PPP2R2B: variants seen among roughly 807,000 people sequenced by gnomAD.
The protein encoded by PPP2R2B is protein phosphatase 2 regulatory subunit Bbeta.
A neutral mutation model predicts 46.0 loss-of-function variants in PPP2R2B; 5 were observed. The ratio of observed to expected loss-of-function variants is 0.11; its 90% CI spans 0.06 to 0.23. The LOEUF is 0.23. Ranked by LOEUF, PPP2R2B falls within the 10% of genes least tolerant of loss-of-function variation. PPP2R2B has a pLI of 1.00. For missense variants in PPP2R2B, 367 were observed against 575.0 expected (o/e 0.64, Z 3.70); for synonymous variants, 215 against 206.7 (o/e 1.04, Z -0.34).
At chr5:147,015,717 A>G (rs892360225) in intron 1 of PPP2R2B, among the ~76,000 whole-genome samples, 4 of 150,980 alleles carry the variant, frequency 2.6e-5, no homozygotes, top group Non-Finnish European at 5.9e-5. Context: ...CTCTTAATGT[A>G]AAATAAGAAT....
chr5:146,624,237 A>G (rs1475334989), intron 7 of PPP2R2B, among the ~76,000 whole-genome samples: 4 of 152,186 alleles, frequency 2.6e-5, no homozygotes, highest in Non-Finnish European at 5.9e-5. Context: ...AGCAAAAGGT[A>G]TCAACTTTTA....
chr5:146,706,581 G>A, intron 2 of PPP2R2B: 1 of 869,552 alleles, frequency 1.2e-6, no homozygotes, highest in Non-Finnish European at 1.9e-6. Context: ...CTTAGCGTTG[G>A]CATCCTTAAT....
chr5:146,800,819 A>G (rs997937887), intron 2 of PPP2R2B, among the ~76,000 whole-genome samples: 7 of 152,280 alleles, frequency 4.6e-5, no homozygotes, highest in Middle Eastern at 3.4e-3. Flanking sequence ...CCACATTCTC[A>G]TGCTCATTGC....
At chr5:146,971,011 A>G (rs771003396) in intron 1 of PPP2R2B, among the ~76,000 whole-genome samples, 16 of 152,228 alleles carry the variant, frequency 1.1e-4, no homozygotes, top group African/African-American at 3.6e-4. Context: ...AACATTTTTC[A>G]AAGTCTATTT....
intron 2 of PPP2R2B, among the ~76,000 whole-genome samples, chr5:146,734,450 G>T (rs559757997): frequency 1.3e-5 from 2 of 152,154 alleles, no homozygotes; most frequent in South Asian, 4.2e-4. Context: ...TTCCCACTTT[G>T]CAGGTGAGGA....
In PPP2R2B at chr5:147,080,857, G is replaced by A. The variant is rs1045182874; in HGVS notation, c.50+202C>T. Among the ~76,000 whole-genome samples the A allele has an allele frequency of 4.6e-5, 7 of 151,840 alleles. No individual in the cohort carries two copies. The East Asian group carries it at 5.8e-4, about 13-fold the overall frequency. On this transcript the variant is annotated intron_variant, in intron 2 of 10. Transcript: ENST00000394413. ...TTTACTGAAAGTTCATTTCAGTGCC[G>A]CTCATTGGTAGGAATAAAATAAATT...
Position 146,869,415 on chromosome 5 carries a change from T to C in PPP2R2B, c.70+8587A>G, listed in dbSNP as rs376622051. ...ATCCACAGGGAACTACTAAATAAAC[T>C]GTGGTACTGTCATACTATGGAGCAC... On this transcript the variant is annotated intron_variant, in intron 2 of 9. Coordinates refer to ENST00000394411, the MANE Select transcript of PPP2R2B (RefSeq NM_181675.4). Among the ~76,000 whole-genome samples, 19 of 152,164 alleles carry C rather than the reference T, an allele frequency of 1.2e-4. No individual in the cohort carries two copies. In the East Asian group the frequency reaches 1.3e-3, roughly 11 times the overall value.
intron 1 of PPP2R2B, among the ~76,000 whole-genome samples, chr5:146,986,987 G>A (rs1172542571): frequency 5.9e-5 from 9 of 152,002 alleles, no homozygotes; most frequent in Admixed American, 3.3e-4. Flanking sequence ...AAAAACAAAG[G>A]GAGGATCCTG....
intron 1 of PPP2R2B, among the ~76,000 whole-genome samples, chr5:146,952,213 T>C (rs914764213): frequency 1.3e-5 from 2 of 152,068 alleles, no homozygotes; most frequent in African/African-American, 4.8e-5. Context: ...TTTAAATCCT[T>C]TTTTTGGGAT....
At chr5:146,881,680 G>C (rs1487132654), upstream of PPP2R2B, among the ~76,000 whole-genome samples, 1 of 152,154 alleles carries the variant, frequency 6.6e-6, no homozygotes, top group African/African-American at 2.4e-5. Context: ...CCAAAGTGCT[G>C]GGATTACTGG....
At chr5:147,007,197 G>T (rs908324453) in intron 1 of PPP2R2B, among the ~76,000 whole-genome samples, 2 of 152,194 alleles carry the variant, frequency 1.3e-5, no homozygotes, top group South Asian at 4.2e-4. Context: ...CAACTGCAGG[G>T]CCCCTTCTTC....
intron 2 of PPP2R2B, among the ~76,000 whole-genome samples, chr5:147,067,198 A>G (rs189019870): frequency 1.3e-5 from 2 of 152,294 alleles, no homozygotes; most frequent in African/African-American, 4.8e-5. Context: ...CTAAAAATCT[A>G]CTCAGCAATT....
chr5:146,946,575 A>T (rs1561534814), intron 1 of PPP2R2B, among the ~76,000 whole-genome samples: 1 of 152,142 alleles, frequency 6.6e-6, no homozygotes, highest in Non-Finnish European at 1.5e-5. Context: ...TTATTATCTA[A>T]AATTACACTA....
At chr5:146,744,087 A>T (rs543656038) in intron 2 of PPP2R2B, among the ~76,000 whole-genome samples, 20 of 152,336 alleles carry the variant, frequency 1.3e-4, no homozygotes, top group African/African-American at 3.8e-4. Context: ...TATACATACT[A>T]ACTTACAAAT....
chr5:146,967,990 A>T (rs1205092334), intron 1 of PPP2R2B, among the ~76,000 whole-genome samples: 4 of 152,190 alleles, frequency 2.6e-5, no homozygotes, highest in Non-Finnish European at 5.9e-5. Flanking sequence ...CGCATGCACC[A>T]CTAAAGGAAC....
At chr5:147,043,878 C>T (rs760241968) in intron 1 of PPP2R2B, among the ~76,000 whole-genome samples, 8 of 152,032 alleles carry the variant, frequency 5.3e-5, no homozygotes, top group Admixed American at 2.0e-4. Flanking sequence ...ATCTCAGAAG[C>T]GGGAGAACAG....
intron 1 of PPP2R2B, among the ~76,000 whole-genome samples, chr5:147,034,133 A>T (rs2151893250): frequency 6.6e-6 from 1 of 152,252 alleles, no homozygotes; most frequent in African/African-American, 2.4e-5. Context: ...TTTTATGCTA[A>T]CATAGTAAGC....
chr5:146,666,423 T>A (rs1287042880), intron 5 of PPP2R2B, among the ~76,000 whole-genome samples: 1 of 152,238 alleles, frequency 6.6e-6, no homozygotes, highest in Non-Finnish European at 1.5e-5. Flanking sequence ...GAAGACATCA[T>A]GTTTAATGTT....
intron 1 of PPP2R2B, among the ~76,000 whole-genome samples, chr5:146,899,673 G>A (rs1762762438): frequency 6.6e-6 from 1 of 151,750 alleles, no homozygotes; most frequent in Non-Finnish European, 1.5e-5. Context: ...AAATATCAGA[G>A]ATATACAAAT....
Sources: gnomAD v4.1 joint callset for allele counts (sites outside exome capture counted in the v4.1 genomes callset) on GRCh38, gnomAD v4.1.1 for gene constraint, MANE v1.5 for transcripts, NCBI Gene and HGNC (gene_info 2026-07-23, HGNC 2026-07-21) for gene names.